The following KCNJ3 variants were observed in gnomAD, a reference collection of about 807,000 sequenced individuals.
KCNJ3 encodes the protein potassium inwardly rectifying channel subfamily J member 3.
Under a neutral mutation model 39.2 loss-of-function variants are expected in KCNJ3, and 4 were observed. The ratio of observed to expected loss-of-function variants is 0.10; its 90% CI spans 0.05 to 0.23. The LOEUF (loss-of-function observed/expected upper bound fraction) is 0.23. Among genes scored for constraint, KCNJ3 ranks in the 10% least tolerant of loss-of-function variants. The pLI is 1.00. For missense variants in KCNJ3, 276 were observed against 634.9 expected (o/e 0.43, Z 6.08); for synonymous variants, 230 against 237.4 (o/e 0.97, Z 0.29).
intron 2 of KCNJ3, among the ~76,000 whole-genome samples, chr2:154,812,331 G>A (rs1301112382): frequency 1.3e-5 from 2 of 152,042 alleles, no homozygotes; most frequent in Non-Finnish European, 2.9e-5. Context: ...AGAAAATTTT[G>A]ACAGACTGCC....
chr2:154,703,343 A>G (rs1258302506), intron 1 of KCNJ3, among the ~76,000 whole-genome samples: 1 of 152,090 alleles, frequency 6.6e-6, no homozygotes, highest in Non-Finnish European at 1.5e-5. Flanking sequence ...GCCAATAGGC[A>G]TCCTCTTTCT....
intron 2 of KCNJ3, among the ~76,000 whole-genome samples, chr2:154,730,097 C>T (rs1412830189): frequency 6.6e-6 from 1 of 151,848 alleles, no homozygotes; most frequent in African/African-American, 2.4e-5. Context: ...GTTGCCCCTG[C>T]TGCTTTCTGC....
intron 2 of KCNJ3, among the ~76,000 whole-genome samples, chr2:154,809,109 C>T (rs1686964725): frequency 6.6e-6 from 1 of 152,076 alleles, no homozygotes; most frequent in African/African-American, 2.4e-5. Context: ...GTTTTCCTGA[C>T]CCCTCCCCAC....
intron 2 of KCNJ3, among the ~76,000 whole-genome samples, chr2:154,711,798 A>G (rs1685106441): frequency 6.6e-6 from 1 of 152,152 alleles, no homozygotes; most frequent in African/African-American, 2.4e-5. Flanking sequence ...TGGTTAGTAC[A>G]TAATATCCTA....
chr2:154,728,336 G>A (rs1259542928), intron 2 of KCNJ3, among the ~76,000 whole-genome samples: 2 of 152,110 alleles, frequency 1.3e-5, no homozygotes, highest in African/African-American at 4.8e-5. Context: ...TTGTCTTTAT[G>A]TATTTTTCCA....
chr2:154,711,175 A>T (rs1302832576), intron 2 of KCNJ3, among the ~76,000 whole-genome samples: 1 of 152,076 alleles, frequency 6.6e-6, no homozygotes, highest in Non-Finnish European at 1.5e-5. Context: ...CTTATAATTG[A>T]AATATCATAG....
intron 2 of KCNJ3, among the ~76,000 whole-genome samples, chr2:154,755,135 C>T (rs1685914890): frequency 6.6e-6 from 1 of 151,874 alleles, no homozygotes; most frequent in African/African-American, 2.4e-5. Flanking sequence ...CTTTTTCTTC[C>T]CATCAGCATT....
At chr2:154,747,732 G>T (rs1440160131) in intron 2 of KCNJ3, among the ~76,000 whole-genome samples, 1 of 152,052 alleles carries the variant, frequency 6.6e-6, no homozygotes, top group East Asian at 1.9e-4. Flanking sequence ...AATTAGAGTT[G>T]TAGGTTTGGA....
chr2:154,785,007 G>T (rs1376686207), intron 2 of KCNJ3, among the ~76,000 whole-genome samples: 1 of 152,154 alleles, frequency 6.6e-6, no homozygotes, highest in Non-Finnish European at 1.5e-5. Flanking sequence ...ATAGCAGTGT[G>T]AGGAGAAGAG....
At chr2:154,829,793 T>TAACA (rs1172693438) in intron 2 of KCNJ3, among the ~76,000 whole-genome samples, 1 of 151,478 alleles carries the variant, frequency 6.6e-6, no homozygotes, top group East Asian at 1.9e-4. Context: ...ATACTAATAA[T>TAACA]AACATTCTTA....
intron 2 of KCNJ3, among the ~76,000 whole-genome samples, chr2:154,743,672 A>G (rs776481293): frequency 2.0e-5 from 3 of 150,878 alleles, no homozygotes; most frequent in Non-Finnish European, 4.4e-5. Flanking sequence ...TTTAATGTTT[A>G]TCTTATATTT....
At chr2:154,729,905 A>C (rs976218638) in intron 2 of KCNJ3, among the ~76,000 whole-genome samples, 3 of 152,056 alleles carry the variant, frequency 2.0e-5, no homozygotes, top group Non-Finnish European at 2.9e-5. Flanking sequence ...TTTATTTTTC[A>C]TCTGTAAGGA....
At chr2:154,765,452 G>C in intron 2 of KCNJ3, among the ~76,000 whole-genome samples, 1 of 152,140 alleles carries the variant, frequency 6.6e-6, no homozygotes, top group Non-Finnish European at 1.5e-5. Context: ...CCAAAAAGAA[G>C]TGACTTGTTC....
intron 2 of KCNJ3, among the ~76,000 whole-genome samples, chr2:154,750,550 A>G (rs986227780): frequency 6.6e-6 from 1 of 152,058 alleles, no homozygotes; most frequent in East Asian, 1.9e-4. Context: ...TCTGAACAGC[A>G]TAATTTTATT....
intron 2 of KCNJ3, among the ~76,000 whole-genome samples, chr2:154,823,766 T>G (rs1687222513): frequency 6.6e-6 from 1 of 152,194 alleles, no homozygotes; most frequent in Non-Finnish European, 1.5e-5. Context: ...TCTTAGTTTA[T>G]TTATATTGCT....
Position 154,854,983 on chromosome 2 carries a change from AGAT to A in KCNJ3, c.1180_1182del (p.Asp394del), listed in dbSNP as rs779904741. ...ATTCTGTGGAATGCTTAGATGGACT[AGAT>A]GATATTACTACAAAACTACCATCTA... On this transcript the variant is annotated inframe_deletion, in exon 3 of 3. Coordinates refer to ENST00000295101, the MANE Select transcript of KCNJ3 (RefSeq NM_002239.4). The A allele has an allele frequency of 1.9e-6, 3 of 1,613,966 alleles. No homozygotes were observed.
At chr2:154,773,751 TTGAA>T (rs1456737794) in intron 2 of KCNJ3, among the ~76,000 whole-genome samples, 1 of 152,188 alleles carries the variant, frequency 6.6e-6, no homozygotes, top group African/African-American at 2.4e-5. Flanking sequence ...ATTAAATTGA[TTGAA>T]TGTCTGATAT....
chr2:154,755,243 A>G (rs1685917216), intron 2 of KCNJ3, among the ~76,000 whole-genome samples: 1 of 152,010 alleles, frequency 6.6e-6, no homozygotes, highest in African/African-American at 2.4e-5. Flanking sequence ...TTATTCTATT[A>G]CCATTCTTTT....
intron 2 of KCNJ3, among the ~76,000 whole-genome samples, chr2:154,826,209 T>C (rs933574468): frequency 6.6e-6 from 1 of 152,182 alleles, no homozygotes; most frequent in Non-Finnish European, 1.5e-5. Flanking sequence ...GGGCCAGCTA[T>C]GTACGAGACT....
Sources: gnomAD v4.1 joint callset for allele counts (sites outside exome capture counted in the v4.1 genomes callset) on GRCh38, gnomAD v4.1.1 for gene constraint, MANE v1.5 for transcripts, NCBI Gene and HGNC (gene_info 2026-07-23, HGNC 2026-07-21) for gene names.